Variants in ITGB6 observed in about 807,000 individuals in gnomAD.
The protein encoded by ITGB6 is integrin beta-6.
In ITGB6, 80 loss-of-function variants were observed where a neutral mutation model predicts 84.5. The observed-to-expected ratio is 0.95, with a 90% CI of 0.79 to 1.14. ITGB6 has a LOEUF of 1.14. Ranked by LOEUF, ITGB6 falls within the 50% of genes most tolerant of loss-of-function variation. The pLI is 0.00. For synonymous variants in ITGB6, 383 were observed against 354.9 expected (o/e 1.08, Z -0.89); for missense variants, 1,006 against 968.0 (o/e 1.04, Z -0.52).
chr2:160,151,352 A>G (rs1684408233), intron 7 of ITGB6, among the ~76,000 whole-genome samples: 1 of 152,322 alleles, frequency 6.6e-6, no homozygotes, highest in Middle Eastern at 3.4e-3. Context: ...ACTACTGGGT[A>G]CATAACAAAA....
chr2:160,118,983 G>A (rs966712881), intron 12 of ITGB6, among the ~76,000 whole-genome samples: 5 of 152,098 alleles, frequency 3.3e-5, no homozygotes, highest in African/African-American at 1.2e-4. Flanking sequence ...TCTTCAAGGA[G>A]AACTACAAAC....
At chr2:160,131,009 G>T (rs577454457) in intron 10 of ITGB6, among the ~76,000 whole-genome samples, 2 of 152,136 alleles carry the variant, frequency 1.3e-5, no homozygotes, top group South Asian at 4.2e-4. Context: ...CACTGACCTG[G>T]TTTCCAAAGT....
chr2:160,194,393 G>A (rs542164529), intron 4 of ITGB6, among the ~76,000 whole-genome samples: 1 of 151,902 alleles, frequency 6.6e-6, no homozygotes, highest in African/African-American at 2.4e-5. Context: ...GTGTATAAAA[G>A]TATTATAAAT....
intron 10 of ITGB6, among the ~76,000 whole-genome samples, chr2:160,127,418 CTCTT>C (rs1214248932): frequency 6.6e-6 from 1 of 152,222 alleles, no homozygotes; most frequent in Non-Finnish European, 1.5e-5. Flanking sequence ...TTTAGATAGA[CTCTT>C]TCAACCAATC....
At chr2:160,159,794 C>CT (rs1389843196) in intron 7 of ITGB6, among the ~76,000 whole-genome samples, 1 of 152,218 alleles carries the variant, frequency 6.6e-6, no homozygotes, top group African/African-American at 2.4e-5. Flanking sequence ...GAAAGTCTCA[C>CT]TTTCTCCCCC....
At chr2:160,117,728 TG>T (rs1682848314) in intron 12 of ITGB6, among the ~76,000 whole-genome samples, 1 of 152,248 alleles carries the variant, frequency 6.6e-6, no homozygotes, top group East Asian at 1.9e-4. Context: ...ATCCAGGAGC[TG>T]GTTTTTTGAA....
intron 10 of ITGB6, among the ~76,000 whole-genome samples, chr2:160,129,898 G>A (rs1683395167): frequency 6.6e-6 from 1 of 151,940 alleles, no homozygotes. Flanking sequence ...GTATGTGTGT[G>A]CATATATGTA....
intron 14 of ITGB6, among the ~76,000 whole-genome samples, chr2:160,103,875 A>G (rs1696809342): frequency 6.6e-6 from 1 of 152,202 alleles, no homozygotes; most frequent in Admixed American, 6.5e-5. Flanking sequence ...CCGTAGGACC[A>G]GATACTTGTT....
intron 12 of ITGB6, among the ~76,000 whole-genome samples, chr2:160,121,433 CATGGA>C (rs1683035298): frequency 6.6e-6 from 1 of 152,130 alleles, no homozygotes; most frequent in Non-Finnish European, 1.5e-5. Context: ...TCTAGGGTTA[CATGGA>C]ATATACTTTG....
chr2:160,149,371 T>C (rs1338037094), intron 7 of ITGB6, among the ~76,000 whole-genome samples: 1 of 152,062 alleles, frequency 6.6e-6, no homozygotes. Context: ...GACATGACTG[T>C]TAGAAGGAAA....
intron 10 of ITGB6, among the ~76,000 whole-genome samples, chr2:160,131,650 A>G (rs1458201220): frequency 6.6e-6 from 1 of 152,222 alleles, no homozygotes; most frequent in East Asian, 1.9e-4. Context: ...GTTACTAATT[A>G]TAGAGCAACA....
intron 12 of ITGB6, among the ~76,000 whole-genome samples, chr2:160,113,494 A>T (rs961714967): frequency 6.6e-6 from 1 of 152,228 alleles, no homozygotes; most frequent in Non-Finnish European, 1.5e-5. Context: ...CGGATGATAG[A>T]TTTAAGTGTA....
chr2:160,165,573 G>A (rs1189013916), intron 7 of ITGB6, among the ~76,000 whole-genome samples: 1 of 152,160 alleles, frequency 6.6e-6, no homozygotes, highest in Non-Finnish European at 1.5e-5. Flanking sequence ...GAAAGAAGAG[G>A]TAAAATAACA....
At chr2:160,179,670 G>A (rs539372626) in intron 4 of ITGB6, among the ~76,000 whole-genome samples, 117 of 151,648 alleles carry the variant, frequency 7.7e-4, no homozygotes, top group African/African-American at 2.7e-3. Context: ...GGGATTACAG[G>A]TGTGAGCTAC....
At chr2:160,170,978 T>A (rs1685177589) in intron 6 of ITGB6, among the ~76,000 whole-genome samples, 1 of 152,198 alleles carries the variant, frequency 6.6e-6, no homozygotes, top group South Asian at 2.1e-4. Flanking sequence ...AACATGCGGC[T>A]ATCCTCACTG....
chr2:160,148,307 A>C (rs1018155926), intron 7 of ITGB6, among the ~76,000 whole-genome samples: 1 of 152,212 alleles, frequency 6.6e-6, no homozygotes, highest in African/African-American at 2.4e-5. Flanking sequence ...TAACAACACC[A>C]AATGCTGACT....
At chr2:160,172,920 T>C (rs1192930149) in intron 5 of ITGB6, among the ~76,000 whole-genome samples, 190 bp from the exon 6 acceptor site, 1 of 152,254 alleles carries the variant, frequency 6.6e-6, no homozygotes, top group Non-Finnish European at 1.5e-5. Flanking sequence ...CATTTGCTTT[T>C]TCCTGGATAA....
intron 4 of ITGB6, among the ~76,000 whole-genome samples, chr2:160,188,929 A>G (rs182043746): frequency 6.6e-6 from 1 of 152,270 alleles, no homozygotes; most frequent in East Asian, 1.9e-4. Flanking sequence ...AGCTAGAGGC[A>G]TCACGCTACC....
chr2:160,132,004 G>C (rs545353364), intron 10 of ITGB6, among the ~76,000 whole-genome samples: 1 of 152,106 alleles, frequency 6.6e-6, no homozygotes, highest in Non-Finnish European at 1.5e-5. Flanking sequence ...AATATAGGTC[G>C]TGTTAGTATC....
Sources: allele counts gnomAD v4.1 joint callset (sites outside exome capture counted in the v4.1 genomes callset), GRCh38; gene constraint gnomAD v4.1.1; transcripts MANE v1.5; gene names NCBI Gene and HGNC (gene_info 2026-07-23, HGNC 2026-07-21).